Variants in TEX11 observed in about 807,000 individuals in gnomAD.
TEX11 encodes testis expressed 11, also known as testis-expressed protein 11.
A neutral mutation model predicts 84.4 loss-of-function variants in TEX11; 7 were observed. The ratio of observed to expected loss-of-function variants is 0.08; its 90% CI spans 0.05 to 0.16. TEX11 has a LOEUF of 0.16. TEX11 is among the 10% of genes least tolerant of loss of function. The probability of loss-of-function intolerance (pLI) is 1.00; values close to 1 mark genes in which losing one functional copy is unlikely to be tolerated. For missense variants in TEX11, 551 were observed against 660.5 expected, an observed-to-expected ratio of 0.83 and a Z score of 1.82; for synonymous variants, 264 against 222.8, an observed-to-expected ratio of 1.18 and a Z score of -1.64.
At chrX:70,751,923 T>G (rs1040809133) in intron 9 of TEX11, among the ~76,000 whole-genome samples, 1 of 112,483 alleles carries the variant, frequency 8.9e-6, no homozygotes, top group Admixed American at 9.4e-5. Context: ...CTTTCTTAAT[T>G]TATTTAAAAA....
At chrX:70,874,555 T>C (rs2091646256) in intron 3 of TEX11, among the ~76,000 whole-genome samples, 1 of 106,988 alleles carries the variant, frequency 9.3e-6, no homozygotes, top group Admixed American at 1.0e-4. Context: ...GCACCCACCA[T>C]AATGCCTGGC....
intron 25 of TEX11, among the ~76,000 whole-genome samples, chrX:70,585,680 A>C (rs993803275): frequency 8.9e-6 from 1 of 112,357 alleles, no homozygotes; most frequent in Non-Finnish European, 1.9e-5. Context: ...AATAGAACTG[A>C]GAGTTAAGAA....
chrX:70,731,146 T>A (rs755098153), intron 11 of TEX11, among the ~76,000 whole-genome samples: 1 of 111,901 alleles, frequency 8.9e-6, no homozygotes, highest in East Asian at 2.8e-4. Context: ...TGGGACACAT[T>A]CAAAGCAGTG....
intron 8 of TEX11, among the ~76,000 whole-genome samples, chrX:70,818,717 C>G (rs924145481): frequency 6.3e-5 from 7 of 110,868 alleles, no homozygotes; most frequent in Admixed American, 4.8e-4. Context: ...CCACATATCC[C>G]TGGGATTAGC....
At chrX:70,757,688 C>T (rs975523774) in intron 9 of TEX11, among the ~76,000 whole-genome samples, 1 of 111,767 alleles carries the variant, frequency 8.9e-6, no homozygotes, top group African/African-American at 3.3e-5. Flanking sequence ...TAAAGACCGT[C>T]TATGCTAGGA....
chrX:70,899,637 G>A (rs756050383), intron 2 of TEX11, among the ~76,000 whole-genome samples: 4 of 107,622 alleles, frequency 3.7e-5, no homozygotes, highest in East Asian at 2.9e-4. Flanking sequence ...GCTGGGCACC[G>A]TGGCTCACAC....
chrX:70,566,782 G>C (rs1260186738), intron 25 of TEX11, among the ~76,000 whole-genome samples: 1 of 111,649 alleles, frequency 9.0e-6, no homozygotes. Context: ...TAAGCTTTTT[G>C]ATGTGCTACT....
intron 17 of TEX11, among the ~76,000 whole-genome samples, chrX:70,630,298 C>A (rs867744883): frequency 3.4e-5 from 3 of 88,424 alleles, no homozygotes; most frequent in African/African-American, 4.4e-5. Context: ...GGTGACAGAG[C>A]GAAACTCTGT....
intron 28 of TEX11, among the ~76,000 whole-genome samples, chrX:70,539,560 G>A (rs186750610): frequency 6.6e-4 from 73 of 111,295 alleles, no homozygotes; most frequent in Non-Finnish European, 1.2e-3. Flanking sequence ...TCTGACATCA[G>A]CTGTGAGGAT....
chrX:70,672,671 T>G (rs2090036038), intron 15 of TEX11, among the ~76,000 whole-genome samples: 1 of 111,861 alleles, frequency 8.9e-6, no homozygotes, highest in Admixed American at 9.5e-5. Context: ...TCATATCCTT[T>G]GCTAATTTTT....
At chrX:70,781,605 T>G (rs1218883672) in intron 9 of TEX11, among the ~76,000 whole-genome samples, 1 of 111,198 alleles carries the variant, frequency 9.0e-6, no homozygotes, top group East Asian at 2.8e-4. Flanking sequence ...GAACAAACAG[T>G]GTAGAGAAGA....
intron 2 of TEX11, among the ~76,000 whole-genome samples, chrX:70,894,342 A>G (rs1569462506): frequency 9.0e-6 from 1 of 110,690 alleles, no homozygotes. Flanking sequence ...ATATTGGTAA[A>G]CCAGGCCAGG....
chrX:70,593,722 A>G (rs767487851), intron 24 of TEX11, among the ~76,000 whole-genome samples: 18 of 112,134 alleles, frequency 1.6e-4, no homozygotes, highest in Non-Finnish European at 3.4e-4. Context: ...TGGAGTTGAA[A>G]ACTACAATAA....
At chrX:70,732,590 A>T (rs1195350139) in intron 11 of TEX11, among the ~76,000 whole-genome samples, 2 of 111,800 alleles carry the variant, frequency 1.8e-5, no homozygotes, top group Non-Finnish European at 3.8e-5. Context: ...AATCCAACTT[A>T]CAAAAGACAT....
intron 13 of TEX11, among the ~76,000 whole-genome samples, chrX:70,701,720 C>A (rs1441083385): frequency 1.8e-5 from 2 of 111,851 alleles, no homozygotes; most frequent in Non-Finnish European, 3.8e-5. Context: ...AAGTATTCAC[C>A]ATTCTAGATG....
intron 2 of TEX11, among the ~76,000 whole-genome samples, chrX:70,895,214 C>T (rs2034841066): frequency 9.0e-6 from 1 of 111,282 alleles, no homozygotes; most frequent in Admixed American, 9.7e-5. Flanking sequence ...CACAAGCATT[C>T]CTATATACCA....
intron 2 of TEX11, among the ~76,000 whole-genome samples, chrX:70,883,693 A>G (rs1602209032): frequency 8.9e-6 from 1 of 112,117 alleles, no homozygotes; most frequent in East Asian, 2.8e-4. Flanking sequence ...CCTGGCTACA[A>G]AAAGAAACTA....
At chrX:70,617,953 C>T (rs1047870030) in intron 20 of TEX11, among the ~76,000 whole-genome samples, 11 of 112,230 alleles carry the variant, frequency 9.8e-5, no homozygotes, top group Middle Eastern at 4.6e-3. Context: ...AAACAGTTCT[C>T]AACTGATTGA....
At chrX:70,685,460 T>C (rs2090180563) in intron 13 of TEX11, among the ~76,000 whole-genome samples, 1 of 111,840 alleles carries the variant, frequency 8.9e-6, no homozygotes, top group South Asian at 3.7e-4. Context: ...GAAAGTGCAT[T>C]AAAAACTTAA....
Sources: gnomAD v4.1 joint callset for allele counts (sites outside exome capture counted in the v4.1 genomes callset) on GRCh38, gnomAD v4.1.1 for gene constraint, MANE v1.5 for transcripts, NCBI Gene and HGNC (gene_info 2026-07-23, HGNC 2026-07-21) for gene names.